The following NUBPL variants were observed in gnomAD, a reference collection of about 807,000 sequenced individuals.
NUBPL encodes NUBP iron-sulfur cluster assembly factor, mitochondrial.
Under a neutral mutation model 45.7 loss-of-function variants are expected in NUBPL, and 31 were observed. The observed-to-expected ratio is 0.68, with a 90% CI of 0.51 to 0.92. NUBPL has a LOEUF of 0.92. Ranked by LOEUF, NUBPL falls within the 40% of genes least tolerant of loss-of-function variation. The probability of loss-of-function intolerance (pLI) is 0.00; values close to 1 mark genes in which losing one functional copy is unlikely to be tolerated. For missense variants in NUBPL, 401 were observed against 398.7 expected (o/e 1.01, Z -0.05); for synonymous variants, 144 against 140.9 (o/e 1.02, Z -0.15).
intron 7 of NUBPL, among the ~76,000 whole-genome samples, chr14:31,798,659 G>A (rs1302256036): frequency 1.3e-5 from 2 of 151,112 alleles, no homozygotes; most frequent in African/African-American, 4.9e-5. Flanking sequence ...GGGCATAGTG[G>A]CGGGCGCCTG....
intron 6 of NUBPL, among the ~76,000 whole-genome samples, chr14:31,766,479 A>G (rs2038914452): frequency 1.3e-5 from 2 of 152,204 alleles, no homozygotes; most frequent in Admixed American, 6.5e-5. Flanking sequence ...CAATGTTTCC[A>G]CAGTGTACTT....
chr14:31,694,557 C>T (rs2037171905), intron 6 of NUBPL, among the ~76,000 whole-genome samples: 1 of 152,148 alleles, frequency 6.6e-6, no homozygotes, highest in Non-Finnish European at 1.5e-5. Context: ...GCTCTGTCGC[C>T]CAGGCAGGAG....
chr14:31,827,361 A>AC lies in NUBPL; in HGVS notation c.693+647_693+648insC, dbSNP rs1334912686. 1.4e-4 allele frequency among the ~76,000 whole-genome samples: 22 copies of AC among 152,016 alleles called. No individual in the cohort carries two copies. The East Asian group carries it at 2.3e-3, about 16-fold the overall frequency. ...CATTTCTACAAAGTTAAAAAAAAAA[A>AC]AAAACTGGATGCTCAAAAGAGACAG... On this transcript the variant is annotated intron_variant, in intron 8 of 10. Transcript: ENST00000281081.
intron 6 of NUBPL, among the ~76,000 whole-genome samples, chr14:31,698,477 A>G (rs1299615907): frequency 1.3e-5 from 2 of 151,850 alleles, no homozygotes; most frequent in African/African-American, 4.8e-5. Flanking sequence ...CCCATCACTT[A>G]CCAGAGATTG....
chr14:31,650,343 G>A (rs1171439047), intron 4 of NUBPL, among the ~76,000 whole-genome samples: 1 of 140,378 alleles, frequency 7.1e-6, no homozygotes, highest in African/African-American at 2.8e-5. Context: ...AGGCTGCAGT[G>A]CAGTGGCACA....
chr14:31,761,559 C>T (rs907811012), intron 6 of NUBPL, among the ~76,000 whole-genome samples: 12 of 152,160 alleles, frequency 7.9e-5, no homozygotes, highest in Admixed American at 7.9e-4. Context: ...TAGGTACATA[C>T]ATGTATGTGT....
intron 3 of NUBPL, among the ~76,000 whole-genome samples, chr14:31,596,292 AT>A (rs1018595376): frequency 1.3e-5 from 2 of 152,164 alleles, no homozygotes; most frequent in African/African-American, 4.8e-5. Context: ...GTGCTTTTTA[AT>A]TTTTAAAATC....
At chr14:31,744,938 T>TA (rs150125769) in intron 6 of NUBPL, among the ~76,000 whole-genome samples, 7,241 of 152,012 alleles carry the variant, frequency 0.048, 219 homozygotes, top group Admixed American at 0.067. Context: ...GTAGAATCTT[T>TA]AAAAAAAATC....
At chr14:31,601,444 G>T (rs756659780) in intron 4 of NUBPL, among the ~76,000 whole-genome samples, 119 of 152,204 alleles carry the variant, frequency 7.8e-4, no homozygotes, top group Admixed American at 3.4e-3. Context: ...GCAGTGGTTT[G>T]CAGTTCTCCT....
At chr14:31,730,978 C>T (rs1040457806) in intron 6 of NUBPL, among the ~76,000 whole-genome samples, 23 of 151,500 alleles carry the variant, frequency 1.5e-4, no homozygotes, top group Admixed American at 3.9e-4. Flanking sequence ...ATACAACAGA[C>T]GATAGAAATA....
intron 7 of NUBPL, among the ~76,000 whole-genome samples, chr14:31,823,487 G>A (rs907975174): frequency 6.6e-6 from 1 of 152,054 alleles, no homozygotes; most frequent in African/African-American, 2.4e-5. Flanking sequence ...AAGATTTGGA[G>A]GAAATAGCCA....
intron 7 of NUBPL, among the ~76,000 whole-genome samples, chr14:31,798,107 G>A (rs1362439586): frequency 6.7e-6 from 1 of 149,330 alleles, no homozygotes; most frequent in Non-Finnish European, 1.5e-5. Context: ...GAGATCCGCT[G>A]TTAGTCTGAT....
At chr14:31,773,828 C>T (rs922045009) in intron 6 of NUBPL, among the ~76,000 whole-genome samples, 1 of 152,160 alleles carries the variant, frequency 6.6e-6, no homozygotes, top group Non-Finnish European at 1.5e-5. Context: ...TCTTGAGATC[C>T]ACTAAGTATA....
intron 4 of NUBPL, among the ~76,000 whole-genome samples, chr14:31,669,804 T>TTTTG (rs2036528843): frequency 6.4e-5 from 4 of 62,202 alleles, no homozygotes; most frequent in Admixed American, 3.8e-4. Flanking sequence ...TTGGTTTTTT[T>TTTTG]TTTTGTTTTT....
intron 4 of NUBPL, among the ~76,000 whole-genome samples, chr14:31,651,898 C>CAAAAAAAA (rs528694961): frequency 1.1e-5 from 1 of 91,394 alleles, no homozygotes; most frequent in Non-Finnish European, 2.6e-5. Flanking sequence ...GACTCTGTCT[C>CAAAAAAAA]AAAAAAAAAA....
At chr14:31,763,376 G>A (rs1034615743) in intron 6 of NUBPL, among the ~76,000 whole-genome samples, 4 of 152,184 alleles carry the variant, frequency 2.6e-5, no homozygotes, top group Non-Finnish European at 5.9e-5. Flanking sequence ...TAAGAACAGA[G>A]AAGTATGGCT....
chr14:31,763,483 A>G (rs148261790), intron 6 of NUBPL, among the ~76,000 whole-genome samples: 5 of 152,170 alleles, frequency 3.3e-5, no homozygotes, highest in Non-Finnish European at 5.9e-5. Context: ...TTATGTGTTC[A>G]TATGTCCTTG....
chr14:31,761,771 T>A (rs550019890), intron 6 of NUBPL, among the ~76,000 whole-genome samples: 189 of 152,318 alleles, frequency 1.2e-3, no homozygotes, highest in Non-Finnish European at 2.3e-3. Context: ...ACACTGATAT[T>A]TGATCCTAGT....
intron 6 of NUBPL, among the ~76,000 whole-genome samples, chr14:31,756,824 AT>A (rs2038676558): frequency 6.6e-6 from 1 of 151,764 alleles, no homozygotes; most frequent in African/African-American, 2.4e-5. Context: ...TCAGTATGAT[AT>A]TGGCTGTGGG....
Sources: gnomAD v4.1 joint callset for allele counts (sites outside exome capture counted in the v4.1 genomes callset) on GRCh38, gnomAD v4.1.1 for gene constraint, MANE v1.5 for transcripts, NCBI Gene and HGNC (gene_info 2026-07-23, HGNC 2026-07-21) for gene names.